MGAT4C: variants seen among roughly 807,000 people sequenced by gnomAD.
MGAT4C encodes the protein MGAT4 family member C.
A neutral mutation model predicts 40.1 loss-of-function variants in MGAT4C; 19 were observed. That is an observed-to-expected ratio of 0.47 (90% CI 0.33 to 0.70). The LOEUF is 0.70. Ranked by LOEUF, MGAT4C falls within the 30% of genes least tolerant of loss-of-function variation. The pLI, the probability that MGAT4C is intolerant of heterozygous loss-of-function variation, is 0.02. For missense variants in MGAT4C, 491 were observed against 563.2 expected (o/e 0.87, Z 1.30); for synonymous variants, 181 against 187.1 (o/e 0.97, Z 0.27).
chr12:86,638,132 T>C (rs1370838167), intron 2 of MGAT4C, among the ~76,000 whole-genome samples: 2 of 149,322 alleles, frequency 1.3e-5, no homozygotes, highest in Non-Finnish European at 3.0e-5. Flanking sequence ...AAATCAAATG[T>C]TGGACTTACT....
Position 85,956,403 on chromosome 12 carries a change from T to C in MGAT4C, c.*22886A>G, listed in dbSNP as rs1592571516. On this transcript the variant is annotated 3_prime_UTR_variant, in exon 5 of 5. Transcript: ENST00000611864. ...ATTCTCAATAACTTCGGTGTTTTGTTTGTCCTTAGACAATAGAGATAATAT... is the reference window on the plus strand; with the variant it reads ...ATTCTCAATAACTTCGGTGTTTTGTCTGTCCTTAGACAATAGAGATAATAT... 1 of 152,208 alleles carries C rather than the reference T, an allele frequency of 6.6e-6. No individual in the cohort carries two copies. The highest frequency in any genetic ancestry group is 1.9e-4 in the East Asian group (1 of 5,204). 9.4% of individuals were successfully genotyped at this position (152,208 alleles called of 1,614,324 possible). A position where few individuals can be genotyped will look rare whatever the true frequency, so the allele number is the denominator to read the frequency against.
chr12:86,656,467 C>G (rs1963853160), intron 2 of MGAT4C, among the ~76,000 whole-genome samples: 1 of 152,004 alleles, frequency 6.6e-6, no homozygotes, highest in Admixed American at 6.6e-5. Context: ...ACTTCTCAAA[C>G]CCCTATGCTT....
chr12:86,497,158 A>G (rs1052494274), intron 2 of MGAT4C, among the ~76,000 whole-genome samples: 1 of 152,030 alleles, frequency 6.6e-6, no homozygotes, highest in Non-Finnish European at 1.5e-5. Flanking sequence ...TTTAATTCAA[A>G]ATGTGTACTT....
intron 2 of MGAT4C, among the ~76,000 whole-genome samples, chr12:85,991,164 TAGC>T (rs1885880247): frequency 6.6e-6 from 1 of 152,116 alleles, no homozygotes; most frequent in African/African-American, 2.4e-5. Context: ...GTTCAGCACT[TAGC>T]AGAGAGGTTA....
intron 2 of MGAT4C, among the ~76,000 whole-genome samples, chr12:86,651,197 T>C (rs1382149967): frequency 6.6e-6 from 1 of 151,936 alleles, no homozygotes; most frequent in African/African-American, 2.4e-5. Flanking sequence ...CCATTTATAC[T>C]ACTGTGATCT....
intron 2 of MGAT4C, among the ~76,000 whole-genome samples, chr12:86,638,829 C>T (rs1963297534): frequency 1.3e-5 from 2 of 151,800 alleles, no homozygotes; most frequent in African/African-American, 2.4e-5. Flanking sequence ...GGCCTGGAAC[C>T]CATTATCCAT....
intron 2 of MGAT4C, among the ~76,000 whole-genome samples, chr12:86,662,251 A>T (rs1483206560): frequency 6.6e-6 from 1 of 152,182 alleles, no homozygotes; most frequent in African/African-American, 2.4e-5. Context: ...TTTATACCGA[A>T]TACAATCACA....
rs565734928 is a variant in MGAT4C at position 86,020,650 on chromosome 12, C to T, written c.-7+29024G>A. ...TAAAAACCCTAGAAGAAAACCTAGG[C>T]AATACCATCCAGGACATAGGCATGG... is the stretch of plus-strand genomic sequence containing the variant. On this transcript the variant is annotated intron_variant, in intron 2 of 4. Coordinates refer to ENST00000611864, the MANE Select transcript of MGAT4C (RefSeq NM_001351288.2). Among the ~76,000 whole-genome samples, 27 of 152,258 alleles carry T rather than the reference C, an allele frequency of 1.8e-4. No homozygotes were observed. The East Asian group carries it at 5.2e-3, about 29-fold the overall frequency.
At position 85,961,183 on chromosome 12, in the gene MGAT4C, A is replaced by G. The variant is rs1339410420; in HGVS notation, c.*18106T>C. On this transcript the variant is annotated 3_prime_UTR_variant, in exon 5 of 5. Transcript: ENST00000611864. The stretch of plus-strand genomic sequence containing the variant: ...TATAAAGTATGACCTATAGCATCCA[A>G]CTCCATCATTTTCCAGTCATTCTTG... 2 of 151,774 alleles carry G rather than the reference A, an allele frequency of 1.3e-5. No individual in the cohort carries two copies. Among genetic ancestry groups the G allele is most frequent in the Admixed American group, 6.6e-5 (1 of 15,200 alleles). The allele number at this position is 151,774 out of a possible 1,614,324, so 9.4% of individuals were successfully genotyped here.
At chr12:86,310,644 G>A (rs950366244) in intron 4 of MGAT4C, among the ~76,000 whole-genome samples, 9 of 152,242 alleles carry the variant, frequency 5.9e-5, no homozygotes, top group East Asian at 1.9e-4. Flanking sequence ...TAAGCAGGCC[G>A]GGCACAGTGG....
chr12:86,791,897 G>A (rs1423832867), intron 1 of MGAT4C, among the ~76,000 whole-genome samples: 1 of 152,184 alleles, frequency 6.6e-6, no homozygotes, highest in Admixed American at 6.5e-5. Context: ...CGCAGTGATT[G>A]TGAGCCTGTA....
chr12:86,234,434 A>C (rs1268043318), intron 1 of MGAT4C, among the ~76,000 whole-genome samples: 1 of 152,142 alleles, frequency 6.6e-6, no homozygotes, highest in Non-Finnish European at 1.5e-5. Flanking sequence ...CTTTGTATGC[A>C]CACTTGAGAG....
chr12:85,987,380 G>A (rs968831544), intron 3 of MGAT4C, among the ~76,000 whole-genome samples: 4 of 151,602 alleles, frequency 2.6e-5, no homozygotes, highest in East Asian at 1.9e-4. Flanking sequence ...CTCGTGATCC[G>A]CCCGCCTCGG....
intron 1 of MGAT4C, among the ~76,000 whole-genome samples, chr12:86,093,382 T>C (rs1873237063): frequency 6.6e-6 from 1 of 152,172 alleles, no homozygotes; most frequent in Admixed American, 6.6e-5. Context: ...TTTGACAGTA[T>C]GCTTTCAGTA....
At chr12:86,241,275 C>T (rs1951772873) in intron 1 of MGAT4C, among the ~76,000 whole-genome samples, 1 of 152,046 alleles carries the variant, frequency 6.6e-6, no homozygotes. Flanking sequence ...GTATCATGCC[C>T]CACAATAAAA....
chr12:86,424,993 T>A (rs1307715716), intron 3 of MGAT4C, among the ~76,000 whole-genome samples: 2 of 152,054 alleles, frequency 1.3e-5, no homozygotes, highest in Non-Finnish European at 2.9e-5. Context: ...TCTGACCTCA[T>A]GATCCACCTG....
At chr12:86,780,559 G>GT (rs1951820424) in intron 1 of MGAT4C, among the ~76,000 whole-genome samples, 1 of 152,052 alleles carries the variant, frequency 6.6e-6, no homozygotes, top group South Asian at 2.1e-4. Flanking sequence ...CTCCACCATC[G>GT]TAAGATGTGC....
At chr12:86,810,074 T>C (rs1025678672) in intron 1 of MGAT4C, among the ~76,000 whole-genome samples, 5 of 152,036 alleles carry the variant, frequency 3.3e-5, no homozygotes, top group Non-Finnish European at 7.4e-5. Context: ...TAAAAATCCA[T>C]ACAGAGTCTT....
At chr12:86,434,119 A>C (rs1415976936) in intron 3 of MGAT4C, among the ~76,000 whole-genome samples, 1 of 152,076 alleles carries the variant, frequency 6.6e-6, no homozygotes, top group Non-Finnish European at 1.5e-5. Flanking sequence ...TAAATCTCAT[A>C]GATATATACA....
Sources: gnomAD v4.1 joint callset for allele counts (sites outside exome capture counted in the v4.1 genomes callset) on GRCh38, gnomAD v4.1.1 for gene constraint, MANE v1.5 for transcripts, NCBI Gene and HGNC (gene_info 2026-07-23, HGNC 2026-07-21) for gene names.